PCDHA1: variants seen among roughly 807,000 people sequenced by gnomAD.
PCDHA1 encodes protocadherin alpha-1.
Under a neutral mutation model 61.3 loss-of-function variants are expected in PCDHA1, and 42 were observed. That is an observed-to-expected ratio of 0.69 (90% CI 0.54 to 0.89). The LOEUF (loss-of-function observed/expected upper bound fraction) is 0.89. Ranked by LOEUF, PCDHA1 falls within the 40% of genes least tolerant of loss-of-function variation. The probability of loss-of-function intolerance (pLI) is 0.00; values close to 1 mark genes in which losing one functional copy is unlikely to be tolerated. For missense variants in PCDHA1, 1,256 were observed against 1,235.3 expected (o/e 1.02, Z -0.25); for synonymous variants, 610 against 553.8 (o/e 1.10, Z -1.43).
intron 1 of PCDHA1, chr5:140,842,491 GC>G (rs1554139099): frequency 2.5e-6 from 4 of 1,613,896 alleles, no homozygotes; most frequent in Non-Finnish European, 3.4e-6. Context: ...GCTCCCTGAT[GC>G]CCCATGTCCC....
intron 1 of PCDHA1, chr5:140,869,122 A>G (rs1562622538): frequency 2.5e-6 from 4 of 1,607,706 alleles, no homozygotes; most frequent in Non-Finnish European, 3.4e-6. Flanking sequence ...TTTTCAGAGA[A>G]GGGGATTGGG....
Position 140,842,826 on chromosome 5 carries a change from G to T in PCDHA1, c.2394+54142G>T, listed in dbSNP as rs782132633. On this transcript the variant is annotated intron_variant, in intron 1 of 3. Coordinates refer to ENST00000504120, the MANE Select transcript of PCDHA1 (RefSeq NM_018900.4). ...CTTGTGGAGCGGCGGGTGGGCGAGC[G>T]CTCGCTGTCGAGCTACATTTCGGTG... 3.8e-6 allele frequency: 6 copies of T among 1,593,690 alleles called. 1 individual carries two copies. The highest frequency in any genetic ancestry group is 5.1e-6 in the Non-Finnish European group (6 of 1,165,318).
At chr5:140,832,615 T>C (rs1377031016) in intron 1 of PCDHA1, among the ~76,000 whole-genome samples, 1 of 152,198 alleles carries the variant, frequency 6.6e-6, no homozygotes, top group Non-Finnish European at 1.5e-5. Flanking sequence ...AGTGAGTAAA[T>C]GTTTTTTAAA....
At chr5:140,849,973 C>T in intron 1 of PCDHA1, 1 of 1,597,728 alleles carries the variant, frequency 6.3e-7, no homozygotes. Context: ...GTGTCCTACT[C>T]GCTGGTGGAG....
At chr5:140,965,030 C>A (rs2095870201) in intron 1 of PCDHA1, among the ~76,000 whole-genome samples, 1 of 152,166 alleles carries the variant, frequency 6.6e-6, no homozygotes, top group East Asian at 1.9e-4. Flanking sequence ...GCTCCTTTAA[C>A]TGTCCGCTCT....
chr5:140,992,017 CTGTGTGTGTGTGTGTG>C (rs10602499), intron 3 of PCDHA1, among the ~76,000 whole-genome samples: 31 of 145,626 alleles, frequency 2.1e-4, no homozygotes, highest in East Asian at 1.4e-3. Flanking sequence ...AGAGGTGGCT[CTGTGTGTGTGTGTGTG>C]TGTGTGTGTG....
At position 140,871,554 on chromosome 5, in the gene PCDHA1, T is replaced by G. The variant is rs1554165730; in HGVS notation, c.2394+82870T>G. On this transcript the variant is annotated intron_variant, in intron 1 of 3. Transcript: ENST00000504120. The stretch of plus-strand genomic sequence containing the variant: ...GTATGTGAAATTATTTAAAATCCAG[T>G]TTTTTTTCACGGATTTTTTAAGGGA... 18 of 1,487,284 alleles carry G rather than the reference T, an allele frequency of 1.2e-5. 1 individual carries two copies. The highest frequency in any genetic ancestry group is 1.8e-4 in the Middle Eastern group (1 of 5,534). The allele number at this position is 1,487,284 out of a possible 1,614,324, so 92.1% of individuals were successfully genotyped here.
At chr5:140,871,465 CAG>C in intron 1 of PCDHA1, 1 of 1,602,850 alleles carries the variant, frequency 6.2e-7, no homozygotes, top group Non-Finnish European at 8.5e-7. Flanking sequence ...AGGGGAAAGA[CAG>C]GAGCCAGGGT....
chr5:140,971,568 G>C (rs2096486593), intron 1 of PCDHA1, among the ~76,000 whole-genome samples: 1 of 152,074 alleles, frequency 6.6e-6, no homozygotes, highest in African/African-American at 2.4e-5. Flanking sequence ...CCCATGTTGG[G>C]CTTTCTTTTT....
chr5:140,921,289 A>G (rs2080153256), intron 1 of PCDHA1, among the ~76,000 whole-genome samples: 1 of 152,172 alleles, frequency 6.6e-6, no homozygotes, highest in African/African-American at 2.4e-5. Flanking sequence ...AAAACCTCAA[A>G]TTTGCTGAAT....
At chr5:140,836,558 GC>G (rs1274646840) in intron 1 of PCDHA1, 7 of 1,613,642 alleles carry the variant, frequency 4.3e-6, no homozygotes, top group Non-Finnish European at 5.9e-6. Flanking sequence ...GGTGCTCAGC[GC>G]CGTCCTCTGA....
At chr5:140,967,552 T>C (rs782453868) in intron 1 of PCDHA1, 2 of 1,613,908 alleles carry the variant, frequency 1.2e-6, no homozygotes, top group Non-Finnish European at 1.7e-6. Context: ...AGTCCACTTA[T>C]CGCGTCCAGC....
intron 1 of PCDHA1, among the ~76,000 whole-genome samples, chr5:140,923,098 A>C (rs1003952878): frequency 5.9e-5 from 9 of 152,184 alleles, no homozygotes; most frequent in Non-Finnish European, 1.0e-4. Context: ...GACCAATGGG[A>C]GTATGATTTT....
chr5:140,979,241 G>A (rs766062040), intron 2 of PCDHA1, among the ~76,000 whole-genome samples: 4 of 152,150 alleles, frequency 2.6e-5, no homozygotes, highest in Non-Finnish European at 5.9e-5. Context: ...CACAGAAACA[G>A]GCTGCTATGT....
Position 140,788,272 on chromosome 5 carries a change from C to T in PCDHA1, c.1982C>T (p.Ala661Val), listed in dbSNP as rs1554118205. The part of the protein sequence containing the change: ...VKDHGEPALT[A>V]TATVLVSLVE... ...GATCACGGTGAGCCGGCGCTGACAG[C>T]CACGGCCACTGTGCTTGTATCTCTG... Residue 661 changes from alanine (A) to valine (V), a missense_variant, in exon 1 of 4, where the codon GCC (alanine) becomes GTC (valine). By Grantham distance (64) the Ala-to-Val change is moderately conservative. Transcript: ENST00000504120. 1.2e-6 allele frequency: 2 copies of T among 1,613,978 alleles called. No individual in the cohort carries two copies. Among genetic ancestry groups the T allele is most frequent in the South Asian group, 1.1e-5 (1 of 91,084 alleles).
chr5:140,869,880 T>C (rs923843539), intron 1 of PCDHA1: 12 of 1,610,162 alleles, frequency 7.5e-6, no homozygotes, highest in South Asian at 3.3e-5. Flanking sequence ...CTAAAGAAAC[T>C]CTTGTGCTCA....
chr5:140,995,086 T>C (rs1182368049), intron 3 of PCDHA1, among the ~76,000 whole-genome samples: 2 of 152,246 alleles, frequency 1.3e-5, no homozygotes, highest in African/African-American at 4.8e-5. Context: ...TCCAAACTTA[T>C]CTGTGGAGAT....
chr5:140,968,798 G>A, intron 1 of PCDHA1: 3 of 1,614,232 alleles, frequency 1.9e-6, no homozygotes, highest in Non-Finnish European at 2.5e-6. Context: ...GGCCATTACA[G>A]TAGCTGTGGT....
At chr5:140,794,918 T>C (rs1761892673) in intron 1 of PCDHA1, 1 of 1,544,836 alleles carries the variant, frequency 6.5e-7, no homozygotes, top group Non-Finnish European at 8.7e-7. Flanking sequence ...ATTTAAATTT[T>C]TGCAAAACAT....
Sources: allele counts gnomAD v4.1 joint callset (sites outside exome capture counted in the v4.1 genomes callset), GRCh38; gene constraint gnomAD v4.1.1; transcripts MANE v1.5; gene names NCBI Gene and HGNC (gene_info 2026-07-23, HGNC 2026-07-21).